The following CHRM5 variants were observed in gnomAD, a reference collection of about 807,000 sequenced individuals.
The protein encoded by CHRM5 is muscarinic acetylcholine receptor M5.
In CHRM5, 18 loss-of-function variants were observed where a neutral mutation model predicts 39.0. The observed-to-expected ratio is 0.46, with a 90% CI of 0.32 to 0.68. The LOEUF (loss-of-function observed/expected upper bound fraction) is 0.68, where lower values mean the gene tolerates loss of function less well. CHRM5 is among the 30% of genes least tolerant of loss of function. The pLI, the probability that CHRM5 is intolerant of heterozygous loss-of-function variation, is 0.04. For missense variants in CHRM5, 515 were observed against 651.1 expected, an observed-to-expected ratio of 0.79 and a Z score of 2.28; for synonymous variants, 241 against 246.3, an observed-to-expected ratio of 0.98 and a Z score of 0.20.
chr15:34,013,073 G>GTTTGT (rs1555515963), intron 1 of CHRM5, among the ~76,000 whole-genome samples: 1 of 151,622 alleles, frequency 6.6e-6, no homozygotes, highest in Non-Finnish European at 1.5e-5. Flanking sequence ...TTGTTTGTTT[G>GTTTGT]TTTTTTGAGA....
At chr15:34,017,501 G>A (rs1393303436) in intron 1 of CHRM5, among the ~76,000 whole-genome samples, 1 of 25,122 alleles carries the variant, frequency 4.0e-5, no homozygotes, top group Non-Finnish European at 9.6e-5. Context: ...TTTTTTTTTT[G>A]AGACAGGGTC....
rs1258901129 is a variant in CHRM5 at position 34,067,310 on chromosome 15, T to G, written c.*2994T>G. 1.3e-5 allele frequency: 2 copies of G among 152,244 alleles called. No homozygotes were observed. Among genetic ancestry groups the G allele is most frequent in the Non-Finnish European group, 2.9e-5 (2 of 68,044 alleles). The allele number at this position is 152,244 out of a possible 1,614,324, so 9.4% of individuals were successfully genotyped here. On this transcript the variant is annotated 3_prime_UTR_variant, in exon 3 of 3. Transcript: ENST00000383263. The stretch of plus-strand genomic sequence containing the variant: ...GAAGACAATACTGATGCCAGCTCTT[T>G]GTAATTGTGAAATCTGTACCCAAAC...
chr15:33,985,411 GCA>G (rs1896388266), intron 1 of CHRM5, among the ~76,000 whole-genome samples: 1 of 150,694 alleles, frequency 6.6e-6, no homozygotes, highest in African/African-American at 2.4e-5. Flanking sequence ...TGAGCTGAGT[GCA>G]TGCCCTCAGC....
At chr15:33,982,673 A>G (rs1896206387) in intron 1 of CHRM5, among the ~76,000 whole-genome samples, 1 of 152,200 alleles carries the variant, frequency 6.6e-6, no homozygotes, top group Non-Finnish European at 1.5e-5. Context: ...GGAAACAAGA[A>G]TTTGTTTAGG....
chr15:34,055,682 C>A (rs1325665918), intron 2 of CHRM5, among the ~76,000 whole-genome samples: 2 of 143,538 alleles, frequency 1.4e-5, no homozygotes, highest in Non-Finnish European at 3.1e-5. Context: ...GTGCCTGTAG[C>A]CCCAGCTACT....
chr15:34,025,772 TTGTG>T (rs566774077), intron 1 of CHRM5, among the ~76,000 whole-genome samples: 56 of 151,850 alleles, frequency 3.7e-4, no homozygotes, highest in African/African-American at 1.3e-3. Flanking sequence ...GTGTGTGTGT[TTGTG>T]TGTGTGTGCG....
intron 1 of CHRM5, among the ~76,000 whole-genome samples, chr15:34,028,286 C>T (rs927893722): frequency 6.6e-6 from 1 of 152,106 alleles, no homozygotes; most frequent in Non-Finnish European, 1.5e-5. Flanking sequence ...AAGAGAAGGC[C>T]AGGTGCAGTG....
At chr15:34,000,770 T>C (rs1250192961) in intron 1 of CHRM5, among the ~76,000 whole-genome samples, 1 of 152,074 alleles carries the variant, frequency 6.6e-6, no homozygotes, top group East Asian at 1.9e-4. Context: ...GAGAAGAAAC[T>C]GATAAATCAG....
intron 1 of CHRM5, chr15:33,991,090 TTA>T (rs1896701683): frequency 1.3e-5 from 2 of 151,594 alleles, no homozygotes; most frequent in African/African-American, 4.9e-5. Context: ...CATAATTATT[TTA>T]TGTCTAATCT....
At chr15:33,974,782 G>A (rs1895810130) in intron 1 of CHRM5, among the ~76,000 whole-genome samples, 3 of 152,254 alleles carry the variant, frequency 2.0e-5, no homozygotes, top group East Asian at 3.9e-4. Context: ...AGACCAGCCT[G>A]GCCAACATGT....
intron 1 of CHRM5, among the ~76,000 whole-genome samples, chr15:34,033,443 T>G (rs945126425): frequency 2.0e-5 from 3 of 151,832 alleles, no homozygotes; most frequent in South Asian, 4.2e-4. Context: ...GAGGCGGAGA[T>G]TGCAGTGAGC....
intron 1 of CHRM5, among the ~76,000 whole-genome samples, chr15:34,032,013 G>A (rs1164695623): frequency 5.6e-4 from 54 of 96,788 alleles, no homozygotes; most frequent in Non-Finnish European, 3.4e-4. Flanking sequence ...ACACACATAC[G>A]CGCGCACACG....
intron 1 of CHRM5, among the ~76,000 whole-genome samples, chr15:34,014,214 A>ATTT (rs1897765020): frequency 6.6e-6 from 1 of 151,928 alleles, no homozygotes; most frequent in Admixed American, 6.6e-5. Context: ...AATATGAAAA[A>ATTT]TTAGCCAGGC....
chr15:34,028,617 G>C (rs1208173494), intron 1 of CHRM5, among the ~76,000 whole-genome samples: 1 of 152,042 alleles, frequency 6.6e-6, no homozygotes, highest in African/African-American at 2.4e-5. Context: ...AGAGAGGACA[G>C]CAAAGTGGCA....
intron 1 of CHRM5, among the ~76,000 whole-genome samples, chr15:34,034,673 T>C (rs1193099383): frequency 2.0e-5 from 3 of 152,136 alleles, no homozygotes; most frequent in Admixed American, 1.3e-4. Flanking sequence ...ATTGAAAATA[T>C]GTAAGTGAAA....
chr15:34,030,914 G>A (rs1053707604), intron 1 of CHRM5, among the ~76,000 whole-genome samples: 2 of 151,912 alleles, frequency 1.3e-5, no homozygotes, highest in Admixed American at 6.6e-5. Context: ...CACTACACCT[G>A]GCCTAAATAT....
intron 1 of CHRM5, among the ~76,000 whole-genome samples, chr15:33,980,326 G>A (rs924373754): frequency 3.3e-5 from 5 of 152,114 alleles, no homozygotes; most frequent in African/African-American, 7.2e-5. Flanking sequence ...TCATCGCACT[G>A]GTAATGTCTT....
chr15:34,049,558 T>C (rs1805031608), intron 2 of CHRM5, among the ~76,000 whole-genome samples: 1 of 152,178 alleles, frequency 6.6e-6, no homozygotes, highest in Admixed American at 6.5e-5. Flanking sequence ...CCATGACTGA[T>C]TGGGGTACCT....
intron 1 of CHRM5, among the ~76,000 whole-genome samples, chr15:34,036,384 T>A (rs1307935216): frequency 6.6e-6 from 1 of 152,184 alleles, no homozygotes. Context: ...ACAAAATTGG[T>A]TTCTGAAGGT....
Sources: allele counts gnomAD v4.1 joint callset (sites outside exome capture counted in the v4.1 genomes callset), GRCh38; gene constraint gnomAD v4.1.1; transcripts MANE v1.5; gene names NCBI Gene and HGNC (gene_info 2026-07-23, HGNC 2026-07-21).